FAM135B: variants seen among roughly 807,000 people sequenced by gnomAD.
The protein encoded by FAM135B is family with sequence similarity 135 member B, also known as protein FAM135B.
Under a neutral mutation model 127.7 loss-of-function variants are expected in FAM135B, and 43 were observed. The observed-to-expected ratio is 0.34, with a 90% confidence interval of 0.26 to 0.43. The LOEUF (loss-of-function observed/expected upper bound fraction) is 0.43, where lower values mean the gene tolerates loss of function less well. Ranked by LOEUF, FAM135B falls within the 20% of genes least tolerant of loss-of-function variation. The pLI is 1.00. For missense variants in FAM135B, 1,558 were observed against 1,725.6 expected (o/e 0.90, Z 1.72); for synonymous variants, 670 against 665.1 (o/e 1.01, Z -0.11).
intron 12 of FAM135B, among the ~76,000 whole-genome samples, chr8:138,156,662 A>C (rs140005484): frequency 0.33 from 50,335 of 151,838 alleles, 9,232 homozygotes; most frequent in East Asian, 0.53. Context: ...GAGAATACTA[A>C]AAACACCTCT....
chr8:138,263,694 G>A (rs1311221897), intron 4 of FAM135B, among the ~76,000 whole-genome samples: 1 of 152,160 alleles, frequency 6.6e-6, no homozygotes, highest in East Asian at 1.9e-4. Flanking sequence ...ATGATATAGA[G>A]AGTCAAGGGC....
chr8:138,378,687 A>G lies in FAM135B; in HGVS notation c.-19-10685T>C, dbSNP rs186457636. The stretch of plus-strand genomic sequence containing the variant: ...ATTCACCCCCTTAATGTTGAAAAGT[A>G]TTTTCTTTCCTTCAATATAGAAATC... On this transcript the variant is annotated intron_variant, in intron 1 of 19. Coordinates refer to ENST00000395297, the MANE Select transcript of FAM135B (RefSeq NM_015912.4). Among the ~76,000 whole-genome samples the G allele has an allele frequency of 1.1e-3, 161 of 150,954 alleles. 1 individual carries two copies. The highest frequency in any genetic ancestry group is 1.9e-3 in the Non-Finnish European group (127 of 67,806).
chr8:138,206,538 C>G (rs1817647732), intron 7 of FAM135B, among the ~76,000 whole-genome samples: 5 of 151,814 alleles, frequency 3.3e-5, no homozygotes, highest in Non-Finnish European at 7.4e-5. Flanking sequence ...TCCATCTACA[C>G]ACAACTCCAG....
At chr8:138,306,452 A>C (rs1716977355) in intron 3 of FAM135B, among the ~76,000 whole-genome samples, 2 of 152,034 alleles carry the variant, frequency 1.3e-5, no homozygotes, top group African/African-American at 4.8e-5. Context: ...AAAGAAAAAA[A>C]AAAAAGAAAG....
chr8:138,315,912 GA>G (rs1313439523), intron 2 of FAM135B, among the ~76,000 whole-genome samples: 1 of 152,114 alleles, frequency 6.6e-6, no homozygotes, highest in Non-Finnish European at 1.5e-5. Context: ...TAAACTTGCA[GA>G]TATATAGTAT....
rs74794452 is a variant in FAM135B, at chr8:138,173,767, C to T, written c.1103+3580G>A. On this transcript the variant is annotated intron_variant, in intron 11 of 19. Transcript: ENST00000395297. The stretch of plus-strand genomic sequence containing the variant: ...GGAAATGCAAAAGTCAGAGTGATAT[C>T]TCATTACTATTGTTATGAAAATGAA... Among the ~76,000 whole-genome samples, 871 of 152,324 alleles carry T rather than the reference C, an allele frequency of 5.7e-3. 20 individuals are homozygous for T. The highest frequency in any genetic ancestry group is 0.04 in the East Asian group (205 of 5,174).
chr8:138,390,462 C>CTG (rs1832499084), intron 1 of FAM135B, among the ~76,000 whole-genome samples: 1 of 152,104 alleles, frequency 6.6e-6, no homozygotes, highest in African/African-American at 2.4e-5. Flanking sequence ...CCACATGGAA[C>CTG]TGTGAGTCCA....
At chr8:138,160,268 T>C (rs1281883236) in intron 12 of FAM135B, among the ~76,000 whole-genome samples, 1 of 151,984 alleles carries the variant, frequency 6.6e-6, no homozygotes, top group Non-Finnish European at 1.5e-5. Context: ...GTTCTGGGAG[T>C]CATTCTAACA....
chr8:138,400,170 T>C (rs923519242), intron 1 of FAM135B, among the ~76,000 whole-genome samples: 1 of 152,168 alleles, frequency 6.6e-6, no homozygotes, highest in African/African-American at 2.4e-5. Flanking sequence ...TGGCTGGGAT[T>C]CTGTCTGAAA....
chr8:138,259,930 C>G (rs35644445), intron 4 of FAM135B, among the ~76,000 whole-genome samples: 22,420 of 152,136 alleles, frequency 0.15, 1,802 homozygotes, highest in African/African-American at 0.18. Flanking sequence ...GTCAAAAACT[C>G]TCTTGGAAGG....
intron 2 of FAM135B, among the ~76,000 whole-genome samples, chr8:138,335,432 A>G (rs4909418): frequency 0.89 from 135,590 of 152,124 alleles, 61,737 homozygotes; most frequent in Non-Finnish European, 0.98. Flanking sequence ...AAAATGGAAA[A>G]CAAAAAAAGG....
intron 1 of FAM135B, among the ~76,000 whole-genome samples, chr8:138,422,227 G>C (rs1435104433): frequency 2.0e-5 from 3 of 151,988 alleles, no homozygotes; most frequent in African/African-American, 7.2e-5. Context: ...ATTTTATGAC[G>C]ATGACTCTAA....
At chr8:138,211,852 G>A (rs1055281580) in intron 7 of FAM135B, among the ~76,000 whole-genome samples, 13 of 152,238 alleles carry the variant, frequency 8.5e-5, no homozygotes, top group Admixed American at 1.3e-4. Context: ...TGGATCACCC[G>A]AGGTCAGGAG....
chr8:138,132,838 A>G lies in FAM135B; in HGVS notation c.4016-40T>C. ...AGAAGGACATGAAGCTGGTGCAGAA[A>G]TTAGCAGTGGAATCTAGAGAACATC... On this transcript the variant is annotated intron_variant, in intron 19 of 19. Transcript: ENST00000395297. This position sits in a 1 kb window ranked among gnomAD's most constrained non-coding sequence, Gnocchi z 4.5. 1 of 1,580,368 alleles carries G rather than the reference A, an allele frequency of 6.3e-7. No homozygotes were observed. The highest frequency in any genetic ancestry group is 1.1e-5 in the South Asian group (1 of 90,192).
At chr8:138,150,882 G>T (rs1482831538) in intron 13 of FAM135B, among the ~76,000 whole-genome samples, 1 of 151,900 alleles carries the variant, frequency 6.6e-6, no homozygotes, top group Admixed American at 6.6e-5. Context: ...TGTACAGAAT[G>T]GTCTAATTTT....
At chr8:138,276,669 A>G (rs1586945969) in intron 3 of FAM135B, among the ~76,000 whole-genome samples, 1 of 152,312 alleles carries the variant, frequency 6.6e-6, no homozygotes, top group African/African-American at 2.4e-5. Context: ...ACCACAGCAC[A>G]TTCTCATCTG....
chr8:138,425,236 C>G (rs184800327), intron 1 of FAM135B, among the ~76,000 whole-genome samples: 21 of 152,230 alleles, frequency 1.4e-4, no homozygotes, highest in African/African-American at 5.1e-4. Context: ...CTTACAGCAG[C>G]CTTTGATGTG....
At chr8:138,271,896 T>G (rs978287553) in intron 3 of FAM135B, among the ~76,000 whole-genome samples, 4 of 152,194 alleles carry the variant, frequency 2.6e-5, no homozygotes, top group Non-Finnish European at 4.4e-5. Flanking sequence ...GAGTATGGTC[T>G]TGGGTATATG....
intron 7 of FAM135B, among the ~76,000 whole-genome samples, chr8:138,219,914 G>T (rs924970163): frequency 2.0e-5 from 3 of 152,110 alleles, no homozygotes; most frequent in Non-Finnish European, 4.4e-5. Context: ...CTAATGAAAG[G>T]CTGACCTCCT....
Sources: allele counts gnomAD v4.1 joint callset (sites outside exome capture counted in the v4.1 genomes callset), GRCh38; gene constraint gnomAD v4.1.1; non-coding constraint Gnocchi (gnomAD v3.1); transcripts MANE v1.5; gene names NCBI Gene and HGNC (gene_info 2026-07-23, HGNC 2026-07-21).